Variants in TRPM3 observed in about 807,000 individuals in gnomAD.
The protein encoded by TRPM3 is long transient receptor potential channel 3.
In TRPM3, 77 loss-of-function variants were observed where a neutral mutation model predicts 181.2. The ratio of observed to expected loss-of-function variants is 0.42; its 90% CI spans 0.35 to 0.51. The LOEUF (loss-of-function observed/expected upper bound fraction) is 0.51, where lower values mean the gene tolerates loss of function less well. Among genes scored for constraint, TRPM3 ranks in the 20% least tolerant of loss-of-function variants. The pLI is 0.01. For synonymous variants in TRPM3, 745 were observed against 796.4 expected, an observed-to-expected ratio of 0.94 and a Z score of 1.09; for missense variants, 1,759 against 2,196.7, an observed-to-expected ratio of 0.80 and a Z score of 3.98.
intron 12 of TRPM3, among the ~76,000 whole-genome samples, chr9:70,628,345 C>A (rs1457445621): frequency 6.6e-6 from 1 of 152,138 alleles, no homozygotes; most frequent in Non-Finnish European, 1.5e-5. Context: ...GTCCTTTGGC[C>A]AGCAGACACT....
intron 1 of TRPM3, among the ~76,000 whole-genome samples, chr9:71,395,505 G>A (rs1284691245): frequency 6.6e-6 from 1 of 152,146 alleles, no homozygotes; most frequent in Non-Finnish European, 1.5e-5. Flanking sequence ...ATGACACGTG[G>A]AGCTGCCCTG....
At chr9:70,969,791 C>T (rs1369003528) in intron 1 of TRPM3, among the ~76,000 whole-genome samples, 2 of 113,882 alleles carry the variant, frequency 1.8e-5, no homozygotes, top group Non-Finnish European at 4.1e-5. Context: ...CACACACACA[C>T]TAAGAAATTA....
intron 1 of TRPM3, among the ~76,000 whole-genome samples, chr9:71,003,207 A>C (rs201551418): frequency 9.0e-4 from 133 of 147,908 alleles, no homozygotes; most frequent in Admixed American, 3.5e-3. Flanking sequence ...AAAAAAAAAA[A>C]AAAACACTTA....
chr9:71,193,449 C>T (rs1301715683), intron 1 of TRPM3, among the ~76,000 whole-genome samples: 1 of 151,714 alleles, frequency 6.6e-6, no homozygotes, highest in African/African-American at 2.4e-5. Flanking sequence ...GAATTCAAAT[C>T]CCCAAATCTC....
chr9:70,761,794 G>C lies in TRPM3; in HGVS notation c.1149-70C>G. ...TCAGCAAGTATTTCTGAGAAATACA[G>C]AGCTCAAGAGGAAATAATGAGGGTT... On this transcript the variant is annotated intron_variant, in intron 7 of 25. Transcript: ENST00000677713. 3.3e-6 allele frequency: 5 copies of C among 1,517,796 alleles called. No individual in the cohort carries two copies. In the South Asian group the frequency reaches 6.5e-5, roughly 20 times the overall value. 94.0% of individuals were successfully genotyped at this position (1,517,796 alleles called of 1,614,324 possible).
intron 1 of TRPM3, among the ~76,000 whole-genome samples, chr9:71,189,490 G>A (rs1291438064): frequency 6.6e-6 from 1 of 151,654 alleles, no homozygotes; most frequent in Non-Finnish European, 1.5e-5. Flanking sequence ...AAATTCTTTT[G>A]CCCCAAAGAC....
At position 70,618,940 on chromosome 9, in the gene TRPM3, T is replaced by C. The variant is rs779367452; in HGVS notation, c.2285A>G (p.His762Arg). The C allele has an allele frequency of 1.9e-6, 3 of 1,613,648 alleles. No homozygotes were observed. Among genetic ancestry groups the C allele is most frequent in the South Asian group, 2.2e-5 (2 of 91,086 alleles). ...GGTGAGCAGCATCTGGCTGCACGTG[T>C]GCGCGATGAAGTCGCGGTGTTTGGC... ...VAAKHRDFIAHTCSQMLLTDM... is the reference protein window; with the variant it reads ...VAAKHRDFIARTCSQMLLTDM... The change falls in exon 17 of 26, where the codon CAC (histidine) becomes CGC (arginine). Residue 762 changes from histidine (H) to arginine (R), a missense_variant. His to Arg is a conservative substitution (Grantham distance 29). Coordinates refer to ENST00000677713, the MANE Select transcript of TRPM3 (RefSeq NM_001366145.2).
At chr9:71,034,167 C>T (rs1231284368) in intron 1 of TRPM3, among the ~76,000 whole-genome samples, 7 of 152,106 alleles carry the variant, frequency 4.6e-5, no homozygotes, top group South Asian at 2.1e-4. Context: ...TACTGTACTT[C>T]GAAGCCGCAA....
At chr9:70,800,345 T>C (rs902581983) in intron 6 of TRPM3, among the ~76,000 whole-genome samples, 1 of 152,222 alleles carries the variant, frequency 6.6e-6, no homozygotes, top group African/African-American at 2.4e-5. Context: ...GATGAATTAA[T>C]ATTATTCTCT....
At chr9:70,538,318 G>C (rs181531214) in intron 25 of TRPM3, among the ~76,000 whole-genome samples, 4 of 152,024 alleles carry the variant, frequency 2.6e-5, no homozygotes, top group Non-Finnish European at 5.9e-5. Flanking sequence ...TTAGAGATGG[G>C]GGGGGTCTCA....
chr9:71,285,587 T>C (rs1306322627), intron 1 of TRPM3, among the ~76,000 whole-genome samples: 1 of 152,182 alleles, frequency 6.6e-6, no homozygotes, highest in Admixed American at 6.5e-5. Context: ...TTTAACAAAG[T>C]TGAATAAAAG....
chr9:71,058,304 C>G (rs1463812355), intron 1 of TRPM3, among the ~76,000 whole-genome samples: 1 of 151,820 alleles, frequency 6.6e-6, no homozygotes, highest in Non-Finnish European at 1.5e-5. Flanking sequence ...TTGTTTTCTC[C>G]TGCTGATTCT....
intron 1 of TRPM3, among the ~76,000 whole-genome samples, chr9:71,404,899 A>G (rs1411485450): frequency 1.3e-5 from 2 of 152,134 alleles, no homozygotes; most frequent in Non-Finnish European, 2.9e-5. Context: ...CCTAGAAAAT[A>G]TCTCTAGATC....
intron 21 of TRPM3, among the ~76,000 whole-genome samples, chr9:70,591,761 A>C (rs2058153852): frequency 6.6e-6 from 1 of 152,246 alleles, no homozygotes; most frequent in African/African-American, 2.4e-5. Context: ...CGAAGCTAGG[A>C]TAAACCAAAT....
chr9:70,662,246 A>G (rs898194247), intron 9 of TRPM3, among the ~76,000 whole-genome samples: 26 of 152,146 alleles, frequency 1.7e-4, no homozygotes, highest in Admixed American at 1.6e-3. Context: ...CTGGATCTCC[A>G]TCTGTCACCT....
intron 1 of TRPM3, among the ~76,000 whole-genome samples, chr9:70,877,337 G>T (rs1322927111): frequency 6.6e-6 from 1 of 151,962 alleles, no homozygotes; most frequent in East Asian, 1.9e-4. Flanking sequence ...AAAAAAGATA[G>T]AAGGGTAAAA....
intron 8 of TRPM3, among the ~76,000 whole-genome samples, chr9:70,755,587 G>A (rs565561949): frequency 1.4e-4 from 22 of 151,990 alleles, no homozygotes; most frequent in Non-Finnish European, 2.2e-4. Flanking sequence ...GGCTGGTCTC[G>A]AACTCCTGAC....
chr9:70,775,258 C>A (rs1389490743), intron 7 of TRPM3: 2 of 152,108 alleles, frequency 1.3e-5, no homozygotes, highest in African/African-American at 4.8e-5. Flanking sequence ...GTTTTAAAGC[C>A]CTTACTACAT....
At chr9:71,114,040 G>A (rs1439893673) in intron 1 of TRPM3, among the ~76,000 whole-genome samples, 1 of 152,118 alleles carries the variant, frequency 6.6e-6, no homozygotes, top group Non-Finnish European at 1.5e-5. Context: ...CATTGTGTTG[G>A]ATAAAACTTT....
Sources: allele counts gnomAD v4.1 joint callset (sites outside exome capture counted in the v4.1 genomes callset), GRCh38; gene constraint gnomAD v4.1.1; transcripts MANE v1.5; gene names NCBI Gene and HGNC (gene_info 2026-07-23, HGNC 2026-07-21).